The following BDP1 variants were observed in gnomAD, a reference collection of about 807,000 sequenced individuals.
BDP1 encodes transcription factor TFIIIB component B'' homolog.
In BDP1, 169 loss-of-function variants were observed where a neutral mutation model predicts 266.6. That is an observed-to-expected ratio of 0.63 (90% CI 0.56 to 0.72). The LOEUF is 0.72. Among genes scored for constraint, BDP1 ranks in the 30% least tolerant of loss-of-function variants. The probability of loss-of-function intolerance (pLI) is 0.00; values close to 1 mark genes in which losing one functional copy is unlikely to be tolerated. For synonymous variants in BDP1, 1,090 were observed against 1,022.4 expected, an observed-to-expected ratio of 1.07 and a Z score of -1.26; for missense variants, 3,015 against 3,053.8, an observed-to-expected ratio of 0.99 and a Z score of 0.30.
rs182769442 is a variant in BDP1, at chr5:71,464,595, G to A, written c.659+478G>A. On this transcript the variant is annotated intron_variant, in intron 4 of 38. Transcript: ENST00000358731. The stretch of plus-strand genomic sequence containing the variant: ...GTTGCTGTGTCACCTAGGCTGGAGT[G>A]CAGTGGTGTGAACATAGCTCACTGC... Among the ~76,000 whole-genome samples, 1,442 of 152,030 alleles carry A rather than the reference G, an allele frequency of 9.5e-3. 27 individuals are homozygous for A. Among genetic ancestry groups the A allele is most frequent in the African/African-American group, 0.033 (1,360 of 41,476 alleles).
chr5:71,483,237 A>G (rs1035275128), intron 7 of BDP1, among the ~76,000 whole-genome samples: 1 of 152,264 alleles, frequency 6.6e-6, no homozygotes, highest in East Asian at 1.9e-4. Context: ...TTCAGACACA[A>G]ACTTATGCCC....
chr5:71,575,280 G>T, the BDP1 span, among the ~76,000 whole-genome samples: 1 of 152,158 alleles, frequency 6.6e-6, no homozygotes, highest in African/African-American at 2.4e-5. Context: ...ATAGAAAAGG[G>T]CTAGGACCTC....
intron 22 of BDP1, among the ~76,000 whole-genome samples, chr5:71,518,837 T>A (rs1249903798): frequency 3.7e-4 from 27 of 72,842 alleles, no homozygotes; most frequent in African/African-American, 9.4e-4. Context: ...ATGGATTACT[T>A]TTTTTTTTTT....
At chr5:71,545,840 T>TAAAAAAAA (rs35888714) in intron 32 of BDP1, among the ~76,000 whole-genome samples, 1 of 142,850 alleles carries the variant, frequency 7.0e-6, no homozygotes. Flanking sequence ...TTAATGCCAT[T>TAAAAAAAA]AAAAAAAAAA....
Position 71,562,444 on chromosome 5 carries a change from G to A in BDP1, c.7667G>A (p.Arg2556Gln), listed in dbSNP as rs556570249. Residue 2556 changes from arginine to glutamine, a missense_variant, in exon 38 of 39, where the codon CGA becomes CAA. By Grantham distance (43) the Arg-to-Gln change is conservative. This residue lies in a region of BDP1 where 629 missense variants were observed against 632.5 expected (regional missense o/e 0.99). Coordinates refer to ENST00000358731, the MANE Select transcript of BDP1 (RefSeq NM_018429.3). ...NPFNESQEKN[R>Q]ESSDLLPSPS... ...TTCAATGAAAGCCAGGAAAAAAATC[G>A]AGAGTCCTCTGATCTGCTTCCATCT... 13 of 1,613,780 alleles carry A rather than the reference G, an allele frequency of 8.1e-6. No homozygotes were observed. Among genetic ancestry groups the A allele is most frequent in the South Asian group, 5.5e-5 (5 of 91,064 alleles).
chr5:71,475,940 A>G (rs1762552993), intron 7 of BDP1: 1 of 152,450 alleles, frequency 6.6e-6, no homozygotes, highest in Non-Finnish European at 1.5e-5. Context: ...TAGAGTTAGA[A>G]AGCACTGATC....
In BDP1 at chr5:71,565,180, A is replaced by G. The variant is rs1743953703; in HGVS notation, c.*295A>G. 3 of 251,922 alleles carry G rather than the reference A, an allele frequency of 1.2e-5. No individual in the cohort carries two copies. Among genetic ancestry groups the G allele is most frequent in the African/African-American group, 6.7e-5 (3 of 44,616 alleles). 15.6% of individuals were successfully genotyped at this position (251,922 alleles called of 1,614,324 possible). A position where few individuals can be genotyped will look rare whatever the true frequency, so the allele number is the denominator to read the frequency against. On this transcript the variant is annotated 3_prime_UTR_variant, in exon 39 of 39. Transcript: ENST00000358731. ...CTCTTCCTGTGCTAAGCACACATGGACATTTGGGAATGTTGTGGATATATG... is the reference window on the plus strand; with the variant it reads ...CTCTTCCTGTGCTAAGCACACATGGGCATTTGGGAATGTTGTGGATATATG...
rs367594622 is a variant in BDP1 at position 71,495,423 on chromosome 5, C to A, written c.1799+15C>A. The A allele has an allele frequency of 7.3e-6, 11 of 1,510,308 alleles. No homozygotes were observed. Among genetic ancestry groups the A allele is most frequent in the Non-Finnish European group, 9.0e-6 (10 of 1,111,564 alleles). 93.6% of individuals were successfully genotyped at this position (1,510,308 alleles called of 1,614,324 possible). A position where few individuals can be genotyped will look rare whatever the true frequency, so the allele number is the denominator to read the frequency against. On this transcript the variant is annotated intron_variant, in intron 12 of 38. Transcript: ENST00000358731. ...AATAATTCACTGTAAGTATTTTATA[C>A]GATAGGATTTATTTATAAAATTTTG...
At chr5:71,573,111 C>T in the BDP1 span, among the ~76,000 whole-genome samples, 2 of 151,984 alleles carry the variant, frequency 1.3e-5, no homozygotes, top group Non-Finnish European at 2.9e-5. Context: ...TGCCTGTAGT[C>T]CCAGCTACTC....
chr5:71,479,607 C>T (rs189836294), intron 7 of BDP1, among the ~76,000 whole-genome samples: 27 of 151,034 alleles, frequency 1.8e-4, no homozygotes, highest in African/African-American at 6.1e-4. Flanking sequence ...AGTGCAGTGG[C>T]GCAATCTTGG....
chr5:71,553,427 T>C (rs1177093207), intron 35 of BDP1, 107 bp downstream of exon 35: 4 of 678,208 alleles, frequency 5.9e-6, no homozygotes, highest in African/African-American at 5.4e-5. Flanking sequence ...CTTTTAGATA[T>C]ATATAAAGAT....
At chr5:71,473,647 C>T (rs1762408712) in intron 7 of BDP1, among the ~76,000 whole-genome samples, 1 of 151,906 alleles carries the variant, frequency 6.6e-6, no homozygotes, top group Admixed American at 6.6e-5. Context: ...TTAGCACTTC[C>T]TTCCATTTAC....
rs1764820730 is a variant in BDP1 at position 71,510,140 on chromosome 5, AAG to A, written c.3055_3056del (p.Ser1019PhefsTer11). 1 of 1,613,958 alleles carries A rather than the reference AAG, an allele frequency of 6.2e-7. No homozygotes were observed. Among genetic ancestry groups the A allele is most frequent in the Non-Finnish European group, 8.5e-7 (1 of 1,179,990 alleles). The part of the protein sequence containing the change: ...EMETDLNATG[R>X]ESSPREKTPE... ...TGGAGACAGATTTGAACGCAACTGG[AAG>A]AGAGAGTTCTCCAAGGGAGAAGACA... is the stretch of plus-strand genomic sequence containing the variant. On this transcript the variant is annotated frameshift_variant, in exon 17 of 39. Transcript: ENST00000358731. LOFTEE classifies it high-confidence loss of function.
chr5:71,539,724 A>G, intron 28 of BDP1, 75 bp downstream of exon 28: 1 of 948,744 alleles, frequency 1.1e-6, no homozygotes, highest in Non-Finnish European at 1.6e-6. Context: ...CCCACATTTG[A>G]GTAATAACCC....
chr5:71,551,904 T>G (rs1276034972), intron 34 of BDP1, among the ~76,000 whole-genome samples: 1 of 141,396 alleles, frequency 7.1e-6, no homozygotes, highest in East Asian at 2.3e-4. Context: ...GGCGGGGGGC[T>G]GACCCCCCCA....
chr5:71,522,762 G>C lies in BDP1; in HGVS notation c.5200G>C (p.Ala1734Pro). The change falls in exon 24 of 39, where the codon GCT becomes CCT. Residue 1734 changes from alanine (A) to proline (P), a missense_variant. Coordinates refer to ENST00000358731, the MANE Select transcript of BDP1 (RefSeq NM_018429.3). The stretch of plus-strand genomic sequence containing the variant: ...ATTTCTTCTTAAATTTAAGGAAAAA[G>C]CTGAGCTTCTGACATCTCTGGAGGT... ...SNTQLLLKEKAELLTSLEVSA... is the reference protein window; with the variant it reads ...SNTQLLLKEKPELLTSLEVSA... The C allele has an allele frequency of 6.3e-7, 1 of 1,583,450 alleles. No individual in the cohort carries two copies. Among genetic ancestry groups the C allele is most frequent in the East Asian group, 2.2e-5 (1 of 44,660 alleles).
intron 26 of BDP1, among the ~76,000 whole-genome samples, chr5:71,538,179 G>A (rs1306777910): frequency 1.3e-5 from 2 of 152,158 alleles, no homozygotes; most frequent in African/African-American, 2.4e-5. Context: ...GGATCATAAT[G>A]TCTAATTTTT....
In BDP1 at chr5:71,470,591, T is replaced by TC. The variant is rs554745138; in HGVS notation, c.1014+102_1014+103insC. ...TTTGGTTTAAATCTTAGTTCATCTT[T>TC]TTTTTTTTTTTCATTGAGACAGAGT... On this transcript the variant is annotated intron_variant, in intron 7 of 38. Coordinates refer to ENST00000358731, the MANE Select transcript of BDP1 (RefSeq NM_018429.3). 1.0e-4 allele frequency: 75 copies of TC among 722,482 alleles called. No homozygotes were observed. The East Asian group carries it at 2.0e-3, about 19-fold the overall frequency. 44.8% of individuals were successfully genotyped at this position (722,482 alleles called of 1,614,324 possible). A position where few individuals can be genotyped will look rare whatever the true frequency, so the allele number is the denominator to read the frequency against.
At chr5:71,534,741 A>C (rs1258442297) in intron 26 of BDP1, among the ~76,000 whole-genome samples, 1 of 152,104 alleles carries the variant, frequency 6.6e-6, no homozygotes, top group Non-Finnish European at 1.5e-5. Flanking sequence ...TCCCTGGTTC[A>C]AGCAATTCTC....
Sources: allele counts gnomAD v4.1 joint callset (sites outside exome capture counted in the v4.1 genomes callset), GRCh38; gene constraint gnomAD v4.1.1; regional missense constraint gnomAD v4.1.1; transcripts MANE v1.5; gene names NCBI Gene and HGNC (gene_info 2026-07-23, HGNC 2026-07-21).